Variants in CARD16 observed in about 807,000 individuals in gnomAD.
CARD16 encodes the protein caspase recruitment domain-containing protein 16.
Under a neutral mutation model 11.9 loss-of-function variants are expected in CARD16, and 8 were observed. The observed-to-expected ratio is 0.67, with a 90% CI of 0.39 to 1.21. CARD16 has a LOEUF of 1.21. Ranked by LOEUF, CARD16 falls within the 50% of genes most tolerant of loss-of-function variation. CARD16 has a pLI of 0.01. For synonymous variants in CARD16, 44 were observed against 43.8 expected, an observed-to-expected ratio of 1.00 and a Z score of -0.02; for missense variants, 131 against 118.1, an observed-to-expected ratio of 1.11 and a Z score of -0.51.
chr11:105,044,999 C>T (rs1864174768), intron 1 of CARD16: 2 of 601,284 alleles, frequency 3.3e-6, no homozygotes, highest in Non-Finnish European at 5.9e-6. Context: ...TAGTACTCCT[C>T]CTGTGCCAAT....
intron 2 of CARD16, 113 bp from the exon 3 acceptor site, chr11:105,043,658 C>T (rs1864147534): frequency 1.7e-5 from 13 of 747,412 alleles, no homozygotes; most frequent in Non-Finnish European, 3.1e-5. Context: ...GACTAAATGA[C>T]AATAAATAAT....
rs1864143254 is a variant in CARD16, at chr11:105,043,457, T to G, written c.*43+26A>C. 2.6e-6 allele frequency: 4 copies of G among 1,522,916 alleles called. No individual in the cohort carries two copies. The South Asian group carries it at 4.5e-5, about 17-fold the overall frequency. The allele number at this position is 1,522,916 out of a possible 1,614,324, so 94.3% of individuals were successfully genotyped here. A position where few individuals can be genotyped will look rare whatever the true frequency, so the allele number is the denominator to read the frequency against. On this transcript the variant is annotated intron_variant, in intron 3 of 3. Transcript: ENST00000673097. ...GTTAAAGAAGATGGGGTTCAAAGAATGCTCTTCATTGAAAAACAACATTAC... is the reference window on the plus strand; with the variant it reads ...GTTAAAGAAGATGGGGTTCAAAGAAGGCTCTTCATTGAAAAACAACATTAC...
intron 2 of CARD16, 178 bp downstream of exon 2, chr11:105,044,214 G>A: frequency 1.0e-6 from 1 of 965,750 alleles, no homozygotes; most frequent in Non-Finnish European, 1.5e-6. Context: ...AGGGCACTGA[G>A]GATGAAGGAA....
chr11:105,045,247 T>C, intron 1 of CARD16, 44 bp downstream of exon 1: 1 of 1,613,676 alleles, frequency 6.2e-7, no homozygotes, highest in African/African-American at 1.3e-5. Flanking sequence ...TTTCCACAAC[T>C]CTTTCTTCCC....
chr11:105,041,566 C>G lies in CARD16; in HGVS notation c.*197G>C. 1 of 1,614,114 alleles carries G rather than the reference C, an allele frequency of 6.2e-7. No individual in the cohort carries two copies. On this transcript the variant is annotated 3_prime_UTR_variant, in exon 4 of 4. Transcript: ENST00000673097. ...CATTTCAAAACTGCCTGAAGTATAT[C>G]TTTCACTCCACTTTATTATTGTATT...
In CARD16 at chr11:105,043,529, A is replaced by C. The variant is rs757524229; in HGVS notation, c.291T>G (p.Asn97Lys). The C allele has an allele frequency of 1.2e-6, 2 of 1,609,560 alleles. No homozygotes were observed. Among genetic ancestry groups the C allele is most frequent in the South Asian group, 1.1e-5 (1 of 90,796 alleles). The stretch of plus-strand genomic sequence containing the variant: ...ATTGGGAGTCTTGTGTACTAAGCTA[A>C]TTTCCAGGTATCGGACCTATAAAAA... ...LGLSAGPIPG[N>K] is the part of the protein sequence containing the mutation. Residue 97 changes from asparagine to lysine, a missense_variant, in exon 3 of 4, where the codon AAT becomes AAG. By Grantham distance (94) the Asn-to-Lys change is moderately conservative (BLOSUM62 0). Transcript: ENST00000673097.
rs35966314 is a variant in CARD16 at position 105,044,567 on chromosome 11, C to G, written c.99G>C (p.Arg33Ser). The G allele has an allele frequency of 2.3e-4, 374 of 1,614,128 alleles. 2 individuals are homozygous for G. The highest frequency in any genetic ancestry group is 1.2e-3 in the Admixed American group (74 of 60,016). Residue 33 changes from arginine to serine, a missense_variant, in exon 2 of 4, where the codon AGG becomes AGC. Physicochemically the swap from Arg to Ser is moderately radical, Grantham distance 110 (BLOSUM62 -1). Transcript: ENST00000673097. ...NGLLDELLQT[R>S]VLNQEEMEKV... ...TCTCCATCTCTTCCTGGTTCAGCAC[C>G]CTTGTCTGTAATAATTCATCCAGTA...
intron 3 of CARD16, among the ~76,000 whole-genome samples, chr11:105,042,655 G>A (rs1344374547): frequency 6.6e-6 from 1 of 152,130 alleles, no homozygotes; most frequent in African/African-American, 2.4e-5. Flanking sequence ...TTATATTGGA[G>A]AAAACTATAA....
intron 1 of CARD16, 163 bp downstream of exon 1, chr11:105,045,128 C>A: frequency 9.9e-7 from 1 of 1,006,556 alleles, no homozygotes. Flanking sequence ...CTTTCTAAAG[C>A]CTGCAAAAAT....
At chr11:105,042,827 G>A (rs753651846) in intron 3 of CARD16, among the ~76,000 whole-genome samples, 2 of 152,144 alleles carry the variant, frequency 1.3e-5, no homozygotes, top group African/African-American at 4.8e-5. Context: ...CATTCATGAG[G>A]TAATCATCCT....
At chr11:105,042,472 TG>T (rs1478072879) in intron 3 of CARD16, among the ~76,000 whole-genome samples, 1 of 152,194 alleles carries the variant, frequency 6.6e-6, no homozygotes, top group Non-Finnish European at 1.5e-5. Context: ...ATTAATGTGA[TG>T]TTTGTTTCAA....
chr11:105,044,715 G>A lies in CARD16; in HGVS notation c.8-57C>T, dbSNP rs146225248. 3.0e-4 allele frequency: 474 copies of A among 1,584,232 alleles called. 3 individuals carry two copies. In the East Asian group the frequency reaches 3.9e-3, roughly 13 times the overall value. On this transcript the variant is annotated intron_variant, in intron 1 of 3. Coordinates refer to ENST00000673097, the MANE Select transcript of CARD16 (RefSeq NM_052889.4). ...GAAAACAGCCTCATATTCCTCTCAC[G>A]TCATCAACAGAAAGTGACCTCATTT...
chr11:105,042,437 G>C (rs561876137), intron 3 of CARD16, among the ~76,000 whole-genome samples: 28 of 150,654 alleles, frequency 1.9e-4, no homozygotes, highest in African/African-American at 5.8e-4. Context: ...AACACAATCT[G>C]ACAATGTGAT....
At chr11:105,044,170 G>A in intron 2 of CARD16, 1 of 673,044 alleles carries the variant, frequency 1.5e-6, no homozygotes, top group Non-Finnish European at 2.5e-6. Flanking sequence ...TAGCTACCAT[G>A]TACTCAGAAC....
intron 1 of CARD16, 117 bp from the exon 2 acceptor site, chr11:105,044,775 T>G: frequency 6.6e-7 from 1 of 1,522,166 alleles, no homozygotes; most frequent in South Asian, 1.3e-5. Context: ...CTCCTCACAG[T>G]TGGGTAATCC....
At position 105,041,671 on chromosome 11, in the gene CARD16, G is replaced by A. The variant is rs1205947092; in HGVS notation, c.*92C>T. ...AAAGCAAAGCTTGATTCTGCCTTCT[G>A]GGCTTGAGCATGTGGGCATAGCTGG... On this transcript the variant is annotated 3_prime_UTR_variant, in exon 4 of 4. Coordinates refer to ENST00000673097, the MANE Select transcript of CARD16 (RefSeq NM_052889.4). 2 of 1,613,980 alleles carry A rather than the reference G, an allele frequency of 1.2e-6. No individual in the cohort carries two copies. The highest frequency in any genetic ancestry group is 1.7e-6 in the Non-Finnish European group (2 of 1,179,912).
chr11:105,045,145 G>T, intron 1 of CARD16, 146 bp downstream of exon 1: 2 of 1,180,060 alleles, frequency 1.7e-6, no homozygotes, highest in Non-Finnish European at 2.5e-6. Flanking sequence ...AAATCTTCTA[G>T]TTCCTTCTCT....
In CARD16 at chr11:105,043,563, A is replaced by T. The variant is rs755624938; in HGVS notation, c.275-18T>A. 4.5e-6 allele frequency: 7 copies of T among 1,570,506 alleles called. No individual in the cohort carries two copies. The South Asian group carries it at 5.6e-5, about 12-fold the overall frequency. On this transcript the variant is annotated intron_variant, in intron 2 of 3. Transcript: ENST00000673097. ...TATCGGACCTATAAAAAGATGAAGAACATTGAAATAGCCACTTATCATCTC... is the reference window on the plus strand; with the variant it reads ...TATCGGACCTATAAAAAGATGAAGATCATTGAAATAGCCACTTATCATCTC...
chr11:105,042,258 T>C (rs1209738867), intron 3 of CARD16, among the ~76,000 whole-genome samples: 1 of 152,148 alleles, frequency 6.6e-6, no homozygotes, highest in East Asian at 1.9e-4. Flanking sequence ...GACAAGAATA[T>C]TGAATACGTA....
Sources: gnomAD v4.1 joint callset for allele counts (sites outside exome capture counted in the v4.1 genomes callset) on GRCh38, gnomAD v4.1.1 for gene constraint, MANE v1.5 for transcripts, NCBI Gene and HGNC (gene_info 2026-07-23, HGNC 2026-07-21) for gene names.